The following REV3L variants were observed in gnomAD, a reference collection of about 807,000 sequenced individuals.
REV3L encodes the protein REV3 like, DNA directed polymerase zeta catalytic subunit.
In REV3L, 69 loss-of-function variants were observed where a neutral mutation model predicts 299.4. That is an observed-to-expected ratio of 0.23 (90% CI 0.19 to 0.28). The LOEUF is 0.28. Ranked by LOEUF, REV3L falls within the 10% of genes least tolerant of loss-of-function variation. The pLI, the probability that REV3L is intolerant of heterozygous loss-of-function variation, is 1.00. For missense variants in REV3L, 3,128 were observed against 3,693.8 expected (o/e 0.85, Z 3.97); for synonymous variants, 1,238 against 1,271.4 (o/e 0.97, Z 0.56).
chr6:111,393,969 A>T (rs1782207663), intron 4 of REV3L, among the ~76,000 whole-genome samples: 1 of 152,188 alleles, frequency 6.6e-6, no homozygotes, highest in Non-Finnish European at 1.5e-5. Context: ...TTTTCATAAA[A>T]AATATGGTAG....
chr6:111,367,271 A>T lies in REV3L; in HGVS notation c.6517T>A (p.Cys2173Ser). The T allele has an allele frequency of 6.2e-7, 1 of 1,613,332 alleles. No homozygotes were observed. Among genetic ancestry groups the T allele is most frequent in the Non-Finnish European group, 8.5e-7 (1 of 1,179,820 alleles). The change falls in exon 14 of 32, where the codon TGC (cysteine) becomes AGC (serine). Residue 2173 changes from cysteine (C) to serine (S), a missense_variant. Transcript: ENST00000368802. ...ACTAGAGGCTCTTGAGGCTCACTGC[A>T]GGGGCTTTTTTGTATACCATCTTTT... The part of the protein sequence containing the change: ...PIKDGIQKSP[C>S]SEPQEPLVIS...
chr6:111,445,880 G>A (rs1181041319), intron 1 of REV3L, among the ~76,000 whole-genome samples: 1 of 152,146 alleles, frequency 6.6e-6, no homozygotes, highest in Non-Finnish European at 1.5e-5. Context: ...AAAGGTATGG[G>A]GGTTAGACAA....
intron 5 of REV3L, among the ~76,000 whole-genome samples, chr6:111,391,595 C>A (rs1204157755): frequency 1.3e-5 from 2 of 152,194 alleles, no homozygotes; most frequent in Non-Finnish European, 2.9e-5. Flanking sequence ...GCCAACCTAT[C>A]ATAATATATT....
intron 1 of REV3L, among the ~76,000 whole-genome samples, chr6:111,449,190 T>C (rs921384066): frequency 2.0e-5 from 3 of 152,204 alleles, no homozygotes; most frequent in African/African-American, 7.2e-5. Flanking sequence ...CTTTACACAT[T>C]AGACATTGGC....
At position 111,347,733 on chromosome 6, in the gene REV3L, TG is replaced by T. The variant is rs1777168570; in HGVS notation, c.7419+1484del. 1.3e-5 allele frequency among the ~76,000 whole-genome samples: 2 copies of T among 152,220 alleles called. 1 individual carries two copies. Among genetic ancestry groups the T allele is most frequent in the East Asian group, 3.8e-4 (2 of 5,196 alleles). On this transcript the variant is annotated intron_variant, in intron 20 of 31. Transcript: ENST00000368802. Reference sequence around the variant, plus strand: ...TAGGCTCTAGCTCTGTCACCCAGGCTGGAGTGTGGTGGTGCAATCTCAGTTC... The same window carrying T: ...TAGGCTCTAGCTCTGTCACCCAGGCTGAGTGTGGTGGTGCAATCTCAGTTC...
intron 1 of REV3L, chr6:111,472,043 A>G: frequency 8.3e-7 from 1 of 1,203,970 alleles, no homozygotes; most frequent in Non-Finnish European, 1.1e-6. Flanking sequence ...TTTGAGAGAA[A>G]TCTTCCTCAG....
At chr6:111,316,507 A>G (rs1773534484) in intron 26 of REV3L, among the ~76,000 whole-genome samples, 1 of 151,958 alleles carries the variant, frequency 6.6e-6, no homozygotes, top group African/African-American at 2.4e-5. Context: ...CTACTAAAAA[A>G]ATACAAAAAT....
chr6:111,370,327 A>G (rs1222935590), intron 13 of REV3L, among the ~76,000 whole-genome samples: 1 of 152,164 alleles, frequency 6.6e-6, no homozygotes, highest in Non-Finnish European at 1.5e-5. Flanking sequence ...TAACGTCTAA[A>G]GAACAGATTT....
chr6:111,337,868 T>C (rs1776074740), intron 21 of REV3L, among the ~76,000 whole-genome samples: 1 of 152,128 alleles, frequency 6.6e-6, no homozygotes, highest in African/African-American at 2.4e-5. Flanking sequence ...TCACCACTCC[T>C]TCAGGATGTG....
At position 111,368,014 on chromosome 6, in the gene REV3L, C is replaced by T. The variant is rs776974963; in HGVS notation, c.5774G>A (p.Arg1925Gln). 11 of 1,605,212 alleles carry T rather than the reference C, an allele frequency of 6.9e-6. No individual in the cohort carries two copies. The highest frequency in any genetic ancestry group is 2.2e-5 in the East Asian group (1 of 44,848). Residue 1925 changes from arginine to glutamine, a missense_variant, in exon 14 of 32, where the codon CGG becomes CAG. Transcript: ENST00000368802. ...VPEKPREIGG[R>Q]LLMVETRLAN... ...AAGTCGAGTTTCTACCATGAGGAGC[C>T]GTCCACCAATCTCCCTATAATAACA...
intron 1 of REV3L, among the ~76,000 whole-genome samples, chr6:111,465,455 T>G (rs911963693): frequency 2.6e-5 from 4 of 151,770 alleles, no homozygotes; most frequent in African/African-American, 9.7e-5. Flanking sequence ...TTTTGTTGGC[T>G]GAGCGCAGTG....
Position 111,355,592 on chromosome 6 carries a change from T to C in REV3L, c.7184+1422A>G, listed in dbSNP as rs559011310. Reference sequence around the variant, plus strand: ...ACTAGTACATTTCATTTTATGGACATTTAAGAAAGTTATTATACTTGCAAA... The same window carrying C: ...ACTAGTACATTTCATTTTATGGACACTTAAGAAAGTTATTATACTTGCAAA... On this transcript the variant is annotated intron_variant, in intron 18 of 31. Transcript: ENST00000368802. Among the ~76,000 whole-genome samples, 8 of 152,276 alleles carry C rather than the reference T, an allele frequency of 5.3e-5. No individual in the cohort carries two copies. The South Asian group carries it at 1.7e-3, about 32-fold the overall frequency.
At chr6:111,461,859 T>C (rs965369885) in intron 1 of REV3L, among the ~76,000 whole-genome samples, 7 of 151,998 alleles carry the variant, frequency 4.6e-5, no homozygotes, top group African/African-American at 1.4e-4. Context: ...AAAGAACAGA[T>C]AGACTAACAT....
intron 20 of REV3L, among the ~76,000 whole-genome samples, chr6:111,348,613 T>C (rs574664385): frequency 2.0e-5 from 3 of 152,294 alleles, no homozygotes; most frequent in South Asian, 4.1e-4. Context: ...GTGAAAAAAA[T>C]ACGGTGAAAT....
At position 111,375,270 on chromosome 6, in the gene REV3L, C is replaced by G. The variant is rs143343075; in HGVS notation, c.3085G>C (p.Asp1029His). 6.2e-7 allele frequency: 1 copy of G among 1,607,904 alleles called. No homozygotes were observed. Among genetic ancestry groups the G allele is most frequent in the African/African-American group, 1.3e-5 (1 of 74,566 alleles). The change falls in exon 13 of 32, where the codon GAC becomes CAC. Residue 1029 changes from aspartate (D) to histidine (H), a missense_variant. Transcript: ENST00000368802. ...ATGGGATATTTGGTTGCAGGGGAGT[C>G]GGGAACTTTTGGCCAAAAGTCCTTC... ...PLKDFWPKVP[D>H]SPATKYPIYP...
In REV3L at chr6:111,373,519, C is replaced by A. The variant is rs752838473; in HGVS notation, c.4836G>T (p.Leu1612Phe). Reference protein sequence around the residue: ...DSLNLQNSSQLDNSVSDDSPI... With the variant: ...DSLNLQNSSQFDNSVSDDSPI... ...GACTATCATCTGATACAGAGTTATC[C>A]AACTGGCTAGAGTTTTGTAAATTTA... Residue 1612 changes from leucine (L) to phenylalanine (F), a missense_variant, in exon 13 of 32, where the codon TTG becomes TTT. By Grantham distance (22) the Leu-to-Phe change is conservative. Around this residue, in one of 9 missense-constraint regions of REV3L, gnomAD observed 2,409 missense variants for 2,611.8 expected, o/e 0.92. Transcript: ENST00000368802. 1.9e-6 allele frequency: 3 copies of A among 1,613,262 alleles called. No individual in the cohort carries two copies. The highest frequency in any genetic ancestry group is 2.2e-5 in the South Asian group (2 of 90,924).
intron 21 of REV3L, among the ~76,000 whole-genome samples, chr6:111,342,148 T>C (rs767968545): frequency 5.3e-5 from 8 of 152,172 alleles, no homozygotes; most frequent in Non-Finnish European, 1.2e-4. Context: ...GTTCCAACCA[T>C]AGGCTTTGAA....
Position 111,375,306 on chromosome 6 carries a change from G to A in REV3L, c.3049C>T (p.Leu1017Phe). Residue 1017 changes from leucine to phenylalanine, a missense_variant, in exon 13 of 32, where the codon CTT becomes TTT. This residue lies in a region of REV3L where 2,409 missense variants were observed against 2,611.8 expected (regional missense o/e 0.92). Transcript: ENST00000368802. ...GGCCAAAAGTCCTTCAAAGGTGCAAGCTTTTTATATAGTTCCATTTTTTCT... is the reference window on the plus strand; with the variant it reads ...GGCCAAAAGTCCTTCAAAGGTGCAAACTTTTTATATAGTTCCATTTTTTCT... ...TEEKMELYKK[L>F]APLKDFWPKV... 6.3e-7 allele frequency: 1 copy of A among 1,589,536 alleles called. No individual in the cohort carries two copies. The highest frequency in any genetic ancestry group is 8.5e-7 in the Non-Finnish European group (1 of 1,174,186).
At chr6:111,333,477 CTTT>C (rs5879102) in intron 22 of REV3L, 110 bp from the exon 23 acceptor site, 1,697 of 989,970 alleles carry the variant, frequency 1.7e-3, no homozygotes, top group South Asian at 2.0e-3. Flanking sequence ...GATTGTATGA[CTTT>C]TTTTTTTTTT....
Sources: allele counts gnomAD v4.1 joint callset (sites outside exome capture counted in the v4.1 genomes callset), GRCh38; gene constraint gnomAD v4.1.1; regional missense constraint gnomAD v4.1.1; transcripts MANE v1.5; gene names NCBI Gene and HGNC (gene_info 2026-07-23, HGNC 2026-07-21).